Variants in PAPPA2 observed in about 807,000 individuals in gnomAD.
The protein encoded by PAPPA2 is pappalysin-2.
Under a neutral mutation model 176.4 loss-of-function variants are expected in PAPPA2, and 86 were observed. The observed-to-expected ratio is 0.49, with a 90% CI of 0.41 to 0.58. The LOEUF (loss-of-function observed/expected upper bound fraction) is 0.58. PAPPA2 is among the 20% of genes least tolerant of loss of function. The probability of loss-of-function intolerance (pLI) is 0.00; values close to 1 mark genes in which losing one functional copy is unlikely to be tolerated. For synonymous variants in PAPPA2, 809 were observed against 852.2 expected, an observed-to-expected ratio of 0.95 and a Z score of 0.88; for missense variants, 2,073 against 2,256.9, an observed-to-expected ratio of 0.92 and a Z score of 1.65.
intron 1 of PAPPA2, among the ~76,000 whole-genome samples, chr1:176,508,971 G>A (rs1329157519): frequency 6.6e-6 from 1 of 151,852 alleles, no homozygotes; most frequent in Non-Finnish European, 1.5e-5. Flanking sequence ...TTATAGCAGT[G>A]TGAAAACGGA....
At position 176,752,751 on chromosome 1, in the gene PAPPA2, G is replaced by C. The variant is rs113428725; in HGVS notation, c.4151+12555G>C. Among the ~76,000 whole-genome samples, 255 of 152,312 alleles carry C rather than the reference G, an allele frequency of 1.7e-3. 3 individuals carry two copies. Among genetic ancestry groups the C allele is most frequent in the African/African-American group, 5.8e-3 (241 of 41,564 alleles). On this transcript the variant is annotated intron_variant, in intron 14 of 22. Coordinates refer to ENST00000367662, the MANE Select transcript of PAPPA2 (RefSeq NM_020318.3). ...AAATGACACAAATTTTCCCATTGCA[G>C]TTTATGAATTTGGGTAACATGCCAT...
chr1:176,649,039 T>G (rs1356592008), intron 3 of PAPPA2, among the ~76,000 whole-genome samples: 1 of 151,528 alleles, frequency 6.6e-6, no homozygotes, highest in Non-Finnish European at 1.5e-5. Flanking sequence ...TTTGGTAATT[T>G]TGGACAGTGA....
chr1:176,518,183 G>A (rs1649021648), intron 1 of PAPPA2, among the ~76,000 whole-genome samples: 1 of 152,102 alleles, frequency 6.6e-6, no homozygotes, highest in South Asian at 2.1e-4. Context: ...AAGCCTTTGA[G>A]GCCTCCCACA....
intron 1 of PAPPA2, among the ~76,000 whole-genome samples, chr1:176,505,006 A>G (rs1407827331): frequency 6.6e-6 from 1 of 152,132 alleles, no homozygotes; most frequent in East Asian, 1.9e-4. Context: ...GATCTAGCCC[A>G]TCCTACCTAA....
intron 3 of PAPPA2, among the ~76,000 whole-genome samples, chr1:176,628,079 T>C (rs1049044353): frequency 2.0e-5 from 3 of 152,160 alleles, no homozygotes; most frequent in African/African-American, 7.2e-5. Context: ...TGCATTCAAA[T>C]TGAATCCAGA....
intron 3 of PAPPA2, among the ~76,000 whole-genome samples, chr1:176,598,343 T>C (rs1654098209): frequency 6.6e-6 from 1 of 152,192 alleles, no homozygotes; most frequent in Non-Finnish European, 1.5e-5. Context: ...TTTTAAACAT[T>C]ATCCATTGAT....
intron 1 of PAPPA2, among the ~76,000 whole-genome samples, chr1:176,551,859 A>G (rs1650971871): frequency 6.6e-6 from 1 of 152,148 alleles, no homozygotes; most frequent in African/African-American, 2.4e-5. Context: ...TGAATTCTCC[A>G]GGGGAAGATA....
At chr1:176,599,190 C>CAT (rs146135229) in intron 3 of PAPPA2, among the ~76,000 whole-genome samples, 78 of 149,518 alleles carry the variant, frequency 5.2e-4, no homozygotes, top group African/African-American at 1.5e-3. Flanking sequence ...TATGTATGTA[C>CAT]ATATATATAT....
At chr1:176,836,587 A>G (rs1307053011) in intron 21 of PAPPA2, 1 of 152,200 alleles carries the variant, frequency 6.6e-6, no homozygotes, top group Non-Finnish European at 1.5e-5. Flanking sequence ...TGGGCTCTGT[A>G]ATAGGCAGCC....
At chr1:176,748,272 C>T (rs2102883673) in intron 14 of PAPPA2, among the ~76,000 whole-genome samples, 1 of 152,296 alleles carries the variant, frequency 6.6e-6, no homozygotes, top group Non-Finnish European at 1.5e-5. Context: ...ATGGTTTCAA[C>T]TTACTAGACA....
chr1:176,577,186 A>G lies in PAPPA2; in HGVS notation c.920-17338A>G, dbSNP rs1445825951. ...ACTACCTTCTATGGGCATCATATGC[A>G]GGCCACCTCTTCAACTCCTTTAGAT... On this transcript the variant is annotated intron_variant, in intron 2 of 22. Coordinates refer to ENST00000367662, the MANE Select transcript of PAPPA2 (RefSeq NM_020318.3). 2.0e-5 allele frequency among the ~76,000 whole-genome samples: 3 copies of G among 152,280 alleles called. No individual in the cohort carries two copies. In the East Asian group the frequency reaches 5.8e-4, roughly 29 times the overall value.
Position 176,556,983 on chromosome 1 carries a change from C to T in PAPPA2, c.661C>T (p.Pro221Ser). The change falls in exon 2 of 23, where the codon CCT (proline) becomes TCT (serine). Residue 221 changes from proline to serine, a missense_variant. Pro to Ser is a moderately conservative substitution (Grantham distance 74, BLOSUM62 -1). Coordinates refer to ENST00000367662, the MANE Select transcript of PAPPA2 (RefSeq NM_020318.3). ...CTCCGGTATCTCTTCACATTTCCAA[C>T]CTTGGCCCAAGCATTCCCTTAAACA... ...GDSGISSHFQ[P>S]WPKHSLKHRV... 1 of 1,614,082 alleles carries T rather than the reference C, an allele frequency of 6.2e-7. No homozygotes were observed. The highest frequency in any genetic ancestry group is 8.5e-7 in the Non-Finnish European group (1 of 1,180,008).
chr1:176,660,623 C>T (rs571488462), intron 3 of PAPPA2, among the ~76,000 whole-genome samples: 19 of 152,184 alleles, frequency 1.2e-4, no homozygotes, highest in African/African-American at 4.3e-4. Context: ...TAATTATACA[C>T]ATTTTCCACC....
Position 176,541,234 on chromosome 1 carries a change from A to G in PAPPA2, c.-916-14173A>G, listed in dbSNP as rs76643940. On this transcript the variant is annotated intron_variant, in intron 1 of 22. Coordinates refer to ENST00000367662, the MANE Select transcript of PAPPA2 (RefSeq NM_020318.3). ...TGCTTCAGCTTTATCTCCACAAACCATACAGAGATGCAGTTAGAGGCTTCC... is the reference window on the plus strand; with the variant it reads ...TGCTTCAGCTTTATCTCCACAAACCGTACAGAGATGCAGTTAGAGGCTTCC... 5.5e-4 allele frequency among the ~76,000 whole-genome samples: 84 copies of G among 152,332 alleles called. No homozygotes were observed. The East Asian group carries it at 0.015, about 28-fold the overall frequency.
intron 11 of PAPPA2, among the ~76,000 whole-genome samples, chr1:176,710,490 A>G (rs1435002053): frequency 6.6e-6 from 1 of 152,204 alleles, no homozygotes; most frequent in African/African-American, 2.4e-5. Context: ...GTATAAATTG[A>G]TTTAAAGAAG....
At chr1:176,829,893 A>G (rs12131721) in intron 21 of PAPPA2, among the ~76,000 whole-genome samples, 14,670 of 152,294 alleles carry the variant, frequency 0.096, 845 homozygotes, top group African/African-American at 0.15. Context: ...ACTGGGCAGG[A>G]TGCCTGCAGT....
chr1:176,582,636 T>C (rs1273873973), intron 2 of PAPPA2, among the ~76,000 whole-genome samples: 1 of 152,208 alleles, frequency 6.6e-6, no homozygotes, highest in East Asian at 1.9e-4. Context: ...ATGTTTTTTT[T>C]TATGTGCTGT....
At chr1:176,482,386 C>T (rs1192380782) in intron 1 of PAPPA2, among the ~76,000 whole-genome samples, 1 of 152,204 alleles carries the variant, frequency 6.6e-6, no homozygotes, top group East Asian at 1.9e-4. Flanking sequence ...TCAACTTCAT[C>T]ATGGATACTT....
At chr1:176,600,230 A>G (rs1198430513) in intron 3 of PAPPA2, among the ~76,000 whole-genome samples, 1 of 152,054 alleles carries the variant, frequency 6.6e-6, no homozygotes, top group African/African-American at 2.4e-5. Context: ...AGAACATGGG[A>G]TGTGGCTTTT....
Sources: gnomAD v4.1 joint callset for allele counts (sites outside exome capture counted in the v4.1 genomes callset) on GRCh38, gnomAD v4.1.1 for gene constraint, MANE v1.5 for transcripts, NCBI Gene and HGNC (gene_info 2026-07-23, HGNC 2026-07-21) for gene names.